The following PIRT variants were observed in gnomAD, a reference collection of about 807,000 sequenced individuals.
PIRT encodes phosphoinositide-interacting protein.
PIRT carries 6 observed loss-of-function variants against 7.9 expected under a neutral mutation model. That is an observed-to-expected ratio of 0.76 (90% CI 0.42 to 1.51). The LOEUF is 1.51. Among genes scored for constraint, PIRT ranks in the 40% most tolerant of loss-of-function variants. The pLI is 0.01. For synonymous variants in PIRT, 78 were observed against 71.8 expected, an observed-to-expected ratio of 1.09 and a Z score of -0.44; for missense variants, 170 against 172.9, an observed-to-expected ratio of 0.98 and a Z score of 0.09.
intron 1 of PIRT, among the ~76,000 whole-genome samples, chr17:10,827,944 C>T (rs1333171030): frequency 2.6e-5 from 4 of 152,148 alleles, no homozygotes; most frequent in Non-Finnish European, 4.4e-5. Flanking sequence ...AAAGTTACTG[C>T]CCTGATTCAT....
chr17:10,826,016 G>T (rs1194581929), intron 1 of PIRT, among the ~76,000 whole-genome samples: 3 of 151,778 alleles, frequency 2.0e-5, no homozygotes, highest in Non-Finnish European at 4.4e-5. Flanking sequence ...AGGCTGGAGT[G>T]CAGTGGCCGT....
chr17:10,837,418 C>A (rs140733724), intron 1 of PIRT, among the ~76,000 whole-genome samples: 4 of 152,356 alleles, frequency 2.6e-5, no homozygotes, highest in Non-Finnish European at 5.9e-5. Flanking sequence ...TTTCTGGCAC[C>A]TGCCCCAGAC....
intron 1 of PIRT, among the ~76,000 whole-genome samples, chr17:10,829,068 G>C (rs1905403066): frequency 6.6e-6 from 1 of 152,214 alleles, no homozygotes; most frequent in Non-Finnish European, 1.5e-5. Context: ...TGGGGGTAGG[G>C]ATGGGTTCAT....
Position 10,827,836 on chromosome 17 carries a change from T to C in PIRT, c.-138-2053A>G, listed in dbSNP as rs1278541766. On this transcript the variant is annotated intron_variant, in intron 1 of 1. Transcript: ENST00000580256. ...GGTTCAAGGCAAAGGTCTATATATTTACAACAAGATAATAAGATGTAAATG... is the reference window on the plus strand; with the variant it reads ...GGTTCAAGGCAAAGGTCTATATATTCACAACAAGATAATAAGATGTAAATG... Among the ~76,000 whole-genome samples, 7 of 152,314 alleles carry C rather than the reference T, an allele frequency of 4.6e-5. No individual in the cohort carries two copies. In the Middle Eastern group the frequency reaches 0.01, roughly 224 times the overall value.
chr17:10,836,713 G>A (rs1318368960), intron 1 of PIRT, among the ~76,000 whole-genome samples: 1 of 152,156 alleles, frequency 6.6e-6, no homozygotes, highest in African/African-American at 2.4e-5. Context: ...TGCAAGAGCT[G>A]AAAGCAGAGG....
At chr17:10,827,337 G>A (rs953432241) in intron 1 of PIRT, among the ~76,000 whole-genome samples, 1 of 152,198 alleles carries the variant, frequency 6.6e-6, no homozygotes, top group Non-Finnish European at 1.5e-5. Flanking sequence ...TCACCCATGT[G>A]GAGCAATTTC....
chr17:10,831,042 T>C (rs1490947290), intron 1 of PIRT, among the ~76,000 whole-genome samples: 1 of 152,152 alleles, frequency 6.6e-6, no homozygotes, highest in Non-Finnish European at 1.5e-5. Flanking sequence ...TGGCCAGCCT[T>C]TCCTCCTGCC....
At chr17:10,837,270 G>A (rs1905613529) in intron 1 of PIRT, among the ~76,000 whole-genome samples, 1 of 152,252 alleles carries the variant, frequency 6.6e-6, no homozygotes, top group Non-Finnish European at 1.5e-5. Flanking sequence ...GACCACGGCT[G>A]GCTTTACCCG....
At position 10,822,723 on chromosome 17, in the gene PIRT, G is replaced by A. The variant is rs758397991; in HGVS notation, c.*2509C>T. 1 of 152,192 alleles carries A rather than the reference G, an allele frequency of 6.6e-6. No homozygotes were observed. Among genetic ancestry groups the A allele is most frequent in the African/African-American group, 2.4e-5 (1 of 41,440 alleles). The allele number at this position is 152,192 out of a possible 1,614,324, so 9.4% of individuals were successfully genotyped here. A position where few individuals can be genotyped will look rare whatever the true frequency, so the allele number is the denominator to read the frequency against. ...CATCCGTACCTCAGCCTTCCATGGGGTAACAGGCATTGGCAAAAAATGTCC... is the reference window on the plus strand; with the variant it reads ...CATCCGTACCTCAGCCTTCCATGGGATAACAGGCATTGGCAAAAAATGTCC... On this transcript the variant is annotated 3_prime_UTR_variant, in exon 2 of 2. Transcript: ENST00000580256.
intron 1 of PIRT, among the ~76,000 whole-genome samples, chr17:10,829,803 C>T (rs765584082): frequency 2.0e-5 from 3 of 152,124 alleles, no homozygotes; most frequent in Non-Finnish European, 4.4e-5. Flanking sequence ...TTATTCAGTT[C>T]GAAGGACTAT....
At position 10,825,068 on chromosome 17, in the gene PIRT, G is replaced by A. The variant is rs771163564; in HGVS notation, c.*164C>T. The stretch of plus-strand genomic sequence containing the variant: ...AGTGGATACATCTGGCAACATTCCC[G>A]GCTGCATGGAGGGTGGAGCCCCAAG... On this transcript the variant is annotated 3_prime_UTR_variant, in exon 2 of 2. Transcript: ENST00000580256. 173 of 878,664 alleles carry A rather than the reference G, an allele frequency of 2.0e-4. No individual in the cohort carries two copies. The highest frequency in any genetic ancestry group is 2.7e-4 in the Non-Finnish European group (158 of 585,652). 54.4% of individuals were successfully genotyped at this position (878,664 alleles called of 1,614,324 possible).
chr17:10,834,017 A>G (rs918863442), intron 1 of PIRT, among the ~76,000 whole-genome samples: 1 of 152,178 alleles, frequency 6.6e-6, no homozygotes, highest in African/African-American at 2.4e-5. Context: ...GCTGGTGGGA[A>G]TGTAAAATCG....
chr17:10,835,203 TC>T (rs1207880366), intron 1 of PIRT, among the ~76,000 whole-genome samples: 1 of 152,168 alleles, frequency 6.6e-6, no homozygotes, highest in Non-Finnish European at 1.5e-5. Flanking sequence ...CAGCTGCTTC[TC>T]CAAAGCCAAA....
chr17:10,832,434 C>T, intron 1 of PIRT, among the ~76,000 whole-genome samples: 1 of 152,090 alleles, frequency 6.6e-6, no homozygotes, highest in East Asian at 1.9e-4. Context: ...CTCACGTGAT[C>T]CGCCCACCTC....
intron 1 of PIRT, among the ~76,000 whole-genome samples, chr17:10,831,789 G>C (rs1168341441): frequency 6.6e-6 from 1 of 152,236 alleles, no homozygotes; most frequent in East Asian, 1.9e-4. Flanking sequence ...CAGAGAGGAT[G>C]GGCCTATGGA....
chr17:10,836,182 C>G (rs895317769), intron 1 of PIRT, among the ~76,000 whole-genome samples: 10 of 152,210 alleles, frequency 6.6e-5, no homozygotes, highest in African/African-American at 2.4e-4. Flanking sequence ...GGATTACAGG[C>G]GTGAGCTACT....
chr17:10,831,955 CTTAA>C (rs1905472687), intron 1 of PIRT, among the ~76,000 whole-genome samples: 1 of 152,162 alleles, frequency 6.6e-6, no homozygotes, highest in East Asian at 1.9e-4. Context: ...TGGGTGGGGA[CTTAA>C]TTACAGTACA....
At chr17:10,830,206 A>C (rs1174198897) in intron 1 of PIRT, among the ~76,000 whole-genome samples, 1 of 152,168 alleles carries the variant, frequency 6.6e-6, no homozygotes, top group Admixed American at 6.5e-5. Context: ...ACTCTCTGTA[A>C]CTGTGACCAG....
At position 10,825,564 on chromosome 17, in the gene PIRT, C is replaced by A. The variant is rs370826067; in HGVS notation, c.82G>T (p.Ala28Ser). The change falls in exon 2 of 2, where the codon GCC becomes TCC. Residue 28 changes from alanine to serine, a missense_variant. Ala to Ser is a moderately conservative substitution (Grantham distance 99). Transcript: ENST00000580256. ...EAKDLLPSQT[A>S]SSLCISSRSE... ...CTGGAGCTGATGCACAGGGAGCTGG[C>A]GGTCTGGCTGGGCAGCAGGTCCTTG... 3.1e-6 allele frequency: 5 copies of A among 1,594,934 alleles called. No homozygotes were observed. The highest frequency in any genetic ancestry group is 2.3e-5 in the East Asian group (1 of 44,078).
Sources: allele counts gnomAD v4.1 joint callset (sites outside exome capture counted in the v4.1 genomes callset), GRCh38; gene constraint gnomAD v4.1.1; transcripts MANE v1.5; gene names NCBI Gene and HGNC (gene_info 2026-07-23, HGNC 2026-07-21).